Variants in ABCC3 observed in about 807,000 individuals in gnomAD.
The protein encoded by ABCC3 is ATP binding cassette subfamily C member 3.
In ABCC3, 121 loss-of-function variants were observed where a neutral mutation model predicts 165.3. The ratio of observed to expected loss-of-function variants is 0.73; its 90% confidence interval spans 0.63 to 0.85. The LOEUF is 0.85. Ranked by LOEUF, ABCC3 falls within the 40% of genes least tolerant of loss-of-function variation. The probability of loss-of-function intolerance (pLI) is 0.00; values close to 1 mark genes in which losing one functional copy is unlikely to be tolerated. For missense variants in ABCC3, 1,869 were observed against 1,964.1 expected, an observed-to-expected ratio of 0.95 and a Z score of 0.92; for synonymous variants, 733 against 810.1, an observed-to-expected ratio of 0.90 and a Z score of 1.62.
At chr17:50,638,616 T>A (rs2054200556) in intron 1 of ABCC3, among the ~76,000 whole-genome samples, 1 of 152,238 alleles carries the variant, frequency 6.6e-6, no homozygotes, top group Non-Finnish European at 1.5e-5. Flanking sequence ...CTCCCTGCTC[T>A]ACATACGGAA....
rs962465701 is a variant in ABCC3, at chr17:50,676,408, C to A, written c.3198C>A (p.Gly1066=). 3 of 1,614,234 alleles carry A rather than the reference C, an allele frequency of 1.9e-6. No homozygotes were observed. Among genetic ancestry groups the A allele is most frequent in the African/African-American group, 2.7e-5 (2 of 75,048 alleles). The change falls in exon 23 of 31, where the codon GGC becomes GGA. Residue 1066 remains glycine, a synonymous_variant. Coordinates refer to ENST00000285238, the MANE Select transcript of ABCC3 (RefSeq NM_003786.4). ...CCTTCTTTGACACCACACCATCAGG[C>A]CGCATCCTGAACTGCTTCTCCAAGG... ...PQSFFDTTPS[G]RILNCFSKDI... is the part of the protein sequence containing the mutation.
intron 1 of ABCC3, among the ~76,000 whole-genome samples, chr17:50,653,990 G>C (rs1420164115): frequency 6.6e-6 from 1 of 152,176 alleles, no homozygotes; most frequent in Non-Finnish European, 1.5e-5. Flanking sequence ...CTCATGTTAG[G>C]TTTGTTTACA....
At chr17:50,653,344 CAA>C (rs1298179994) in intron 1 of ABCC3, among the ~76,000 whole-genome samples, 957 of 47,716 alleles carry the variant, frequency 0.02, 8 homozygotes, top group African/African-American at 0.062. Flanking sequence ...GAGACTGTCT[CAA>C]AAAAAAAAAA....
At position 50,687,196 on chromosome 17, in the gene ABCC3, A is replaced by T. The variant is rs918120032; in HGVS notation, c.4281-340A>T. On this transcript the variant is annotated intron_variant, in intron 29 of 30. Transcript: ENST00000285238. ...AGAGCCATGCAAGTATGTTCTTACT[A>T]AGGTGTAAATGGCTGATAGAGTGAA... 5 of 286,136 alleles carry T rather than the reference A, an allele frequency of 1.7e-5. No individual in the cohort carries two copies. In the Admixed American group the frequency reaches 2.3e-4, roughly 13 times the overall value. The allele number at this position is 286,136 out of a possible 1,614,324, so 17.7% of individuals were successfully genotyped here.
At position 50,674,058 on chromosome 17, in the gene ABCC3, T is replaced by C. The variant is rs372838443; in HGVS notation, c.2599+400T>C. The stretch of plus-strand genomic sequence containing the variant: ...TCTCTTTCTTTCTTTCTTTCTTTCT[T>C]TCTTTCTTTCTTTCTTTTTTTTCTT... On this transcript the variant is annotated intron_variant, in intron 19 of 30. Transcript: ENST00000285238. 1.5e-3 allele frequency among the ~76,000 whole-genome samples: 85 copies of C among 56,680 alleles called. 21 individuals are homozygous for C. Among genetic ancestry groups the C allele is most frequent in the South Asian group, 3.4e-3 (6 of 1,774 alleles). The allele number at this position is 56,680 out of a possible 152,430, so 37.2% of individuals were successfully genotyped here.
At chr17:50,679,573 A>G (rs958746508) in intron 25 of ABCC3, 3 of 423,780 alleles carry the variant, frequency 7.1e-6, no homozygotes, top group African/African-American at 6.1e-5. Flanking sequence ...ACAGAAACCA[A>G]GGCGAGGTGG....
chr17:50,682,024 A>G (rs1967937375), intron 26 of ABCC3, among the ~76,000 whole-genome samples: 2 of 151,490 alleles, frequency 1.3e-5, no homozygotes, highest in Non-Finnish European at 2.9e-5. Context: ...CCTCAACCCC[A>G]CGGCCCGTTC....
intron 1 of ABCC3, among the ~76,000 whole-genome samples, chr17:50,642,517 G>A (rs1201138520): frequency 2.6e-5 from 4 of 152,208 alleles, no homozygotes; most frequent in African/African-American, 7.2e-5. Context: ...TCCATCACCC[G>A]CTTCCCTGAG....
Position 50,662,518 on chromosome 17 carries a change from G to A in ABCC3, c.999-1163G>A, listed in dbSNP as rs190777728. 2.6e-3 allele frequency among the ~76,000 whole-genome samples: 390 copies of A among 152,108 alleles called. 1 individual carries two copies. Among genetic ancestry groups the A allele is most frequent in the Non-Finnish European group, 2.7e-3 (183 of 68,002 alleles). ...CCAGGCCTGGTGGCATACGCCTAGA[G>A]TCCTAGCTACTCAAGAGGCTGAGGT... On this transcript the variant is annotated intron_variant, in intron 8 of 30. Transcript: ENST00000285238.
At chr17:50,648,963 T>C (rs1415365216) in intron 1 of ABCC3, among the ~76,000 whole-genome samples, 2 of 151,608 alleles carry the variant, frequency 1.3e-5, no homozygotes, top group Non-Finnish European at 2.9e-5. Flanking sequence ...AATACAAAAA[T>C]TAGCTGGGCA....
Position 50,659,242 on chromosome 17 carries a change from C to T in ABCC3, c.680C>T (p.Ala227Val). ...CGGGCTTCACCTCCCCCCAGGATGG[C>T]CATCTATGGCTACCGGCATCCCCTG... ...RLFFWWFTKM[A>V]IYGYRHPLEE... Residue 227 changes from alanine (A) to valine (V), a missense_variant, in exon 7 of 31, where the codon GCC becomes GTC. Physicochemically the swap from Ala to Val is moderately conservative, Grantham distance 64. Coordinates refer to ENST00000285238, the MANE Select transcript of ABCC3 (RefSeq NM_003786.4). 6.2e-7 allele frequency: 1 copy of T among 1,613,574 alleles called. No homozygotes were observed. Among genetic ancestry groups the T allele is most frequent in the Non-Finnish European group, 8.5e-7 (1 of 1,179,682 alleles).
intron 1 of ABCC3, among the ~76,000 whole-genome samples, chr17:50,646,593 C>G (rs1023622587): frequency 6.6e-6 from 1 of 152,136 alleles, no homozygotes; most frequent in Non-Finnish European, 1.5e-5. Context: ...GCTCCAGGAC[C>G]CTCTTGCACC....
chr17:50,668,569 A>C, intron 14 of ABCC3, 52 bp downstream of exon 14: 1 of 1,437,890 alleles, frequency 7.0e-7, no homozygotes, highest in Non-Finnish European at 9.7e-7. Flanking sequence ...CTCCAGAAAA[A>C]CCTCTGTTTC....
intron 1 of ABCC3, among the ~76,000 whole-genome samples, chr17:50,644,696 A>G (rs1213544973): frequency 2.0e-5 from 3 of 151,990 alleles, no homozygotes; most frequent in Non-Finnish European, 4.4e-5. Context: ...GAGGTGACAG[A>G]GTGAGACTCC....
chr17:50,665,542 G>A (rs1388171575), intron 11 of ABCC3, among the ~76,000 whole-genome samples: 1 of 152,040 alleles, frequency 6.6e-6, no homozygotes, highest in Non-Finnish European at 1.5e-5. Context: ...CCGCTGCACT[G>A]TGCTAAGCAT....
intron 1 of ABCC3, among the ~76,000 whole-genome samples, chr17:50,637,169 C>CT (rs2054188757): frequency 6.6e-6 from 1 of 152,244 alleles, no homozygotes; most frequent in South Asian, 2.1e-4. Flanking sequence ...GACCACCCCC[C>CT]TTCCCACCCC....
At chr17:50,650,307 A>G (rs1252008187) in intron 1 of ABCC3, among the ~76,000 whole-genome samples, 2 of 152,076 alleles carry the variant, frequency 1.3e-5, no homozygotes, top group African/African-American at 2.4e-5. Flanking sequence ...GGGTTTCACC[A>G]TGTTGGCCAG....
chr17:50,683,560 A>G, intron 26 of ABCC3, 50 bp from the exon 27 acceptor site: 8 of 1,490,048 alleles, frequency 5.4e-6, no homozygotes, highest in Non-Finnish European at 6.2e-6. Context: ...GAAAGGTGAA[A>G]GAGGGCTTCA....
intron 1 of ABCC3, among the ~76,000 whole-genome samples, chr17:50,637,763 G>A (rs541184664): frequency 3.9e-5 from 6 of 152,252 alleles, no homozygotes; most frequent in Non-Finnish European, 8.8e-5. Context: ...TTCTATGGGT[G>A]GCAAGTTCTG....
Sources: allele counts gnomAD v4.1 joint callset (sites outside exome capture counted in the v4.1 genomes callset), GRCh38; gene constraint gnomAD v4.1.1; transcripts MANE v1.5; gene names NCBI Gene and HGNC (gene_info 2026-07-23, HGNC 2026-07-21).